Variants in MICU2 observed in about 807,000 individuals in gnomAD.
The protein encoded by MICU2 is mitochondrial calcium uptake 2.
In MICU2, 64 loss-of-function variants were observed where a neutral mutation model predicts 60.4. The observed-to-expected ratio is 1.06, with a 90% confidence interval of 0.87 to 1.31. The LOEUF (loss-of-function observed/expected upper bound fraction) is 1.31. MICU2 is among the 50% of genes most tolerant of loss of function. MICU2 has a pLI of 0.00. For synonymous variants in MICU2, 201 were observed against 175.0 expected, an observed-to-expected ratio of 1.15 and a Z score of -1.17; for missense variants, 569 against 531.0, an observed-to-expected ratio of 1.07 and a Z score of -0.70.
At position 21,566,838 on chromosome 13, in the gene MICU2, G is replaced by A. The variant is rs1156660623; in HGVS notation, c.317C>T (p.Pro106Leu). ...CATCACTGAGAAGAGGAAGTCTCGT[G>A]GTGTCATATAATATTCTCCTTCATG... ...LEHEGEYYMT[P>L]RDFLFSVMFE... is the part of the protein sequence containing the mutation. The change falls in exon 2 of 12, where the codon CCA becomes CTA. Residue 106 changes from proline to leucine, a missense_variant. Transcript: ENST00000382374. The A allele has an allele frequency of 6.2e-7, 1 of 1,609,932 alleles. No individual in the cohort carries two copies. Among genetic ancestry groups the A allele is most frequent in the South Asian group, 1.1e-5 (1 of 90,160 alleles).
At chr13:21,571,071 T>C (rs1888096837) in intron 1 of MICU2, among the ~76,000 whole-genome samples, 1 of 152,142 alleles carries the variant, frequency 6.6e-6, no homozygotes, top group African/African-American at 2.4e-5. Flanking sequence ...TTCCCAGTTT[T>C]CTCTTCCCTC....
intron 4 of MICU2, 59 bp from the exon 5 acceptor site, chr13:21,522,709 A>G: frequency 8.3e-7 from 1 of 1,203,328 alleles, no homozygotes; most frequent in Non-Finnish European, 1.2e-6. Flanking sequence ...ATATATAGAG[A>G]CATTAACATT....
chr13:21,540,211 G>A (rs947153323), intron 2 of MICU2, among the ~76,000 whole-genome samples: 7 of 152,056 alleles, frequency 4.6e-5, no homozygotes, highest in African/African-American at 1.7e-4. Context: ...GGATAACAGA[G>A]ATTTAAAATT....
rs1035343641 is a variant in MICU2 at position 21,510,657 on chromosome 13, A to G, written c.664-556T>C. Among the ~76,000 whole-genome samples the G allele has an allele frequency of 4.6e-5, 7 of 152,188 alleles. No individual in the cohort carries two copies. The East Asian group carries it at 1.3e-3, about 29-fold the overall frequency. ...AAAAAACCATCAGCAACCAAACAACAAAAGGGGGTATAAGTTTAAGCCACA... is the reference window on the plus strand; with the variant it reads ...AAAAAACCATCAGCAACCAAACAACGAAAGGGGGTATAAGTTTAAGCCACA... On this transcript the variant is annotated intron_variant, in intron 7 of 11. Coordinates refer to ENST00000382374, the MANE Select transcript of MICU2 (RefSeq NM_152726.3).
At chr13:21,531,235 C>T in intron 4 of MICU2, 1 of 1,149,182 alleles carries the variant, frequency 8.7e-7, no homozygotes, top group African/African-American at 1.5e-5. Flanking sequence ...GAAAAGGACA[C>T]TATAAGAAAG....
intron 4 of MICU2, among the ~76,000 whole-genome samples, chr13:21,537,248 T>C (rs1484798536): frequency 6.6e-6 from 1 of 152,196 alleles, no homozygotes; most frequent in Non-Finnish European, 1.5e-5. Context: ...CGTGACTTCC[T>C]CCATTCTTCT....
At chr13:21,535,377 C>G (rs1355640797) in intron 4 of MICU2, among the ~76,000 whole-genome samples, 2 of 152,090 alleles carry the variant, frequency 1.3e-5, no homozygotes, top group Non-Finnish European at 1.5e-5. Context: ...CAGAGATTAT[C>G]TGAGTTTTCA....
At chr13:21,601,776 T>C (rs914250727) in intron 1 of MICU2, among the ~76,000 whole-genome samples, 1 of 151,970 alleles carries the variant, frequency 6.6e-6, no homozygotes, top group Non-Finnish European at 1.5e-5. Context: ...CAGGTCAGAG[T>C]GTGACTATAA....
chr13:21,507,038 A>G (rs548988388), intron 8 of MICU2, among the ~76,000 whole-genome samples: 2 of 152,344 alleles, frequency 1.3e-5, no homozygotes, highest in Non-Finnish European at 2.9e-5. Context: ...TTAAGAGATT[A>G]TCTTATGATT....
rs751291275 is a variant in MICU2 at position 21,521,235 on chromosome 13, G to A, written c.597+10C>T. ...TTATGATAAACCTAAAATAATTAGC[G>A]TCCACTTACCTTAAAAAATTCCCTT... On this transcript the variant is annotated intron_variant, in intron 6 of 11. Transcript: ENST00000382374. 4.4e-5 allele frequency: 69 copies of A among 1,572,592 alleles called. 3 individuals are homozygous for A. The highest frequency in any genetic ancestry group is 2.6e-4 in the South Asian group (22 of 84,718).
intron 1 of MICU2, among the ~76,000 whole-genome samples, chr13:21,597,019 A>G (rs4769169): frequency 0.34 from 51,140 of 152,092 alleles, 9,784 homozygotes; most frequent in Non-Finnish European, 0.42. Flanking sequence ...ATATAATCTT[A>G]AATTCTAAAA....
At chr13:21,530,821 C>T (rs1011662120) in intron 4 of MICU2, 8 of 732,970 alleles carry the variant, frequency 1.1e-5, no homozygotes, top group Admixed American at 2.1e-5. Flanking sequence ...CCAGGCAAGC[C>T]GTGGTGCCCC....
chr13:21,549,074 C>T (rs181562955), intron 2 of MICU2, among the ~76,000 whole-genome samples: 344 of 151,688 alleles, frequency 2.3e-3, no homozygotes, highest in East Asian at 0.014. Context: ...TACAGGCGCC[C>T]GCCACCACAC....
intron 7 of MICU2, among the ~76,000 whole-genome samples, chr13:21,513,972 G>T (rs577266559): frequency 7.2e-5 from 11 of 151,962 alleles, no homozygotes; most frequent in Non-Finnish European, 1.2e-4. Flanking sequence ...TGAATGAGAG[G>T]GAAATTCTGC....
intron 1 of MICU2, among the ~76,000 whole-genome samples, chr13:21,576,017 A>G (rs1888219932): frequency 6.6e-6 from 1 of 152,168 alleles, no homozygotes; most frequent in Non-Finnish European, 1.5e-5. Context: ...CTCACTCCCT[A>G]GTGGGGAAGG....
At chr13:21,581,687 G>C (rs1888351820) in intron 1 of MICU2, among the ~76,000 whole-genome samples, 1 of 152,088 alleles carries the variant, frequency 6.6e-6, no homozygotes, top group Admixed American at 6.6e-5. Flanking sequence ...TTAAACAGCT[G>C]AGATGAATAT....
rs780870527 is a variant in MICU2, at chr13:21,604,042, G to T, written c.107C>A (p.Ala36Glu). 2 of 1,606,810 alleles carry T rather than the reference G, an allele frequency of 1.2e-6. No homozygotes were observed. The highest frequency in any genetic ancestry group is 2.2e-5 in the South Asian group (2 of 90,586). Reference sequence around the variant, plus strand: ...CAGGGCCGCGCCGGCCACTGCCGCTGCCAAGGGGCCGGGACTCCGCACAGC... The same window carrying T: ...CAGGGCCGCGCCGGCCACTGCCGCTTCCAAGGGGCCGGGACTCCGCACAGC... ...RQAVRSPGPL[A>E]AAVAGAALAG... The change falls in exon 1 of 12, where the codon GCA becomes GAA. Residue 36 changes from alanine to glutamate, a missense_variant. Ala to Glu is a moderately radical substitution (Grantham distance 107). Transcript: ENST00000382374.
At chr13:21,552,745 G>C in intron 2 of MICU2, among the ~76,000 whole-genome samples, 1 of 152,158 alleles carries the variant, frequency 6.6e-6, no homozygotes, top group South Asian at 2.1e-4. Context: ...GTTGTAGATA[G>C]GCGGCATTAT....
chr13:21,529,050 C>T (rs1426496018), intron 4 of MICU2, among the ~76,000 whole-genome samples: 1 of 152,112 alleles, frequency 6.6e-6, no homozygotes, highest in African/African-American at 2.4e-5. Context: ...ACACAAAGGG[C>T]TTATATACAC....
Sources: gnomAD v4.1 joint callset for allele counts (sites outside exome capture counted in the v4.1 genomes callset) on GRCh38, gnomAD v4.1.1 for gene constraint, MANE v1.5 for transcripts, NCBI Gene and HGNC (gene_info 2026-07-23, HGNC 2026-07-21) for gene names.